The following TRAPPC9 variants were observed in gnomAD, a reference collection of about 807,000 sequenced individuals.
TRAPPC9 encodes the protein IKK2 binding protein.
TRAPPC9 carries 83 observed loss-of-function variants against 124.0 expected under a neutral mutation model. That is an observed-to-expected ratio of 0.67 (90% CI 0.56 to 0.80). The LOEUF (loss-of-function observed/expected upper bound fraction) is 0.80, where lower values mean the gene tolerates loss of function less well. Among genes scored for constraint, TRAPPC9 ranks in the 30% least tolerant of loss-of-function variants. The pLI, the probability that TRAPPC9 is intolerant of heterozygous loss-of-function variation, is 0.00. For synonymous variants in TRAPPC9, 638 were observed against 617.5 expected, an observed-to-expected ratio of 1.03 and a Z score of -0.49; for missense variants, 1,302 against 1,508.3, an observed-to-expected ratio of 0.86 and a Z score of 2.27.
intron 17 of TRAPPC9, among the ~76,000 whole-genome samples, chr8:140,202,094 T>C (rs1345881308): frequency 2.6e-5 from 4 of 151,878 alleles, no homozygotes; most frequent in Non-Finnish European, 5.9e-5. Flanking sequence ...AGCCTCAGTT[T>C]CCTCATTCCA....
intron 21 of TRAPPC9, among the ~76,000 whole-genome samples, chr8:139,773,472 G>A (rs746942938): frequency 6.6e-6 from 1 of 152,238 alleles, no homozygotes; most frequent in African/African-American, 2.4e-5. Context: ...GCCCCGAAGG[G>A]AAATGGAGGC....
chr8:140,168,136 G>A (rs2061882652), intron 17 of TRAPPC9, among the ~76,000 whole-genome samples: 1 of 152,212 alleles, frequency 6.6e-6, no homozygotes, highest in Admixed American at 6.5e-5. Flanking sequence ...TGACAATGAG[G>A]TAGTTAAAGG....
intron 5 of TRAPPC9, among the ~76,000 whole-genome samples, chr8:140,412,124 T>G (rs2069726578): frequency 6.6e-6 from 1 of 152,190 alleles, no homozygotes; most frequent in African/African-American, 2.4e-5. Context: ...GACTCCACTT[T>G]AACCAATTAT....
At chr8:139,752,416 T>C (rs1819381454) in intron 21 of TRAPPC9, among the ~76,000 whole-genome samples, 2 of 148,034 alleles carry the variant, frequency 1.4e-5, no homozygotes, top group South Asian at 4.3e-4. Flanking sequence ...CTACCGTCCA[T>C]CCATCCATCC....
chr8:140,162,294 C>T (rs1013642322), intron 17 of TRAPPC9, among the ~76,000 whole-genome samples: 1 of 152,140 alleles, frequency 6.6e-6, no homozygotes, highest in African/African-American at 2.4e-5. Context: ...AGGCTCCGGC[C>T]CTACTGAACT....
intron 21 of TRAPPC9, among the ~76,000 whole-genome samples, chr8:139,856,594 G>T (rs111729204): frequency 6.6e-6 from 1 of 152,154 alleles, no homozygotes; most frequent in Non-Finnish European, 1.5e-5. Flanking sequence ...GGACAGCGGC[G>T]GGGGGTGGCG....
At chr8:139,751,632 G>T (rs1175548027) in intron 21 of TRAPPC9, among the ~76,000 whole-genome samples, 1 of 152,058 alleles carries the variant, frequency 6.6e-6, no homozygotes, top group South Asian at 2.1e-4. Context: ...CAAAGACCTG[G>T]ACACAACCTC....
At chr8:140,024,304 C>G (rs1839994771) in intron 17 of TRAPPC9, among the ~76,000 whole-genome samples, 1 of 151,924 alleles carries the variant, frequency 6.6e-6, no homozygotes, top group Non-Finnish European at 1.5e-5. Flanking sequence ...CGGTGGGCAC[C>G]ATCTTTCCTG....
At chr8:140,135,006 C>T (rs1453492443) in intron 17 of TRAPPC9, among the ~76,000 whole-genome samples, 1 of 152,060 alleles carries the variant, frequency 6.6e-6, no homozygotes, top group African/African-American at 2.4e-5. Context: ...TGGGCAAAGG[C>T]CTTAGATAGA....
rs1830695339 is a variant in TRAPPC9 at position 139,896,803 on chromosome 8, C to A, written c.2965-10834G>T. Among the ~76,000 whole-genome samples the A allele has an allele frequency of 2.0e-5, 3 of 152,252 alleles. No individual in the cohort carries two copies. The South Asian group carries it at 6.2e-4, about 32-fold the overall frequency. Reference sequence around the variant, plus strand: ...CACACCAAGCCTGGCCAGTGTTTTTCCAGCCCAGAGGGAAGCCCAGCACAG... The same window carrying A: ...CACACCAAGCCTGGCCAGTGTTTTTACAGCCCAGAGGGAAGCCCAGCACAG... On this transcript the variant is annotated intron_variant, in intron 20 of 22. Coordinates refer to ENST00000438773, the MANE Select transcript of TRAPPC9 (RefSeq NM_001160372.4).
At chr8:139,764,251 G>C (rs1214029529) in intron 21 of TRAPPC9, among the ~76,000 whole-genome samples, 1 of 152,146 alleles carries the variant, frequency 6.6e-6, no homozygotes, top group African/African-American at 2.4e-5. Context: ...GAGCAGAGGT[G>C]GCACCTTGGA....
intron 21 of TRAPPC9, among the ~76,000 whole-genome samples, chr8:139,744,520 G>A (rs1818764338): frequency 6.6e-6 from 1 of 152,192 alleles, no homozygotes; most frequent in Non-Finnish European, 1.5e-5. Flanking sequence ...TCTCCTAGGA[G>A]CCGAGGCAGG....
chr8:140,389,456 C>G (rs1402586614), intron 7 of TRAPPC9, among the ~76,000 whole-genome samples: 1 of 152,208 alleles, frequency 6.6e-6, no homozygotes, highest in Non-Finnish European at 1.5e-5. Flanking sequence ...ACTGCCGTCA[C>G]GGCCACTCAG....
intron 17 of TRAPPC9, among the ~76,000 whole-genome samples, chr8:140,166,118 C>T (rs886148943): frequency 6.6e-6 from 1 of 152,184 alleles, no homozygotes; most frequent in Admixed American, 6.5e-5. Flanking sequence ...AACCTCAGTG[C>T]GATAACACTC....
At chr8:139,789,177 C>T (rs1479857964) in intron 21 of TRAPPC9, among the ~76,000 whole-genome samples, 6 of 152,192 alleles carry the variant, frequency 3.9e-5, no homozygotes, top group Non-Finnish European at 7.3e-5. Flanking sequence ...CTGCAGCCCA[C>T]GGCCTGCCCG....
intron 4 of TRAPPC9, 61 bp downstream of exon 4, chr8:140,435,051 A>C: frequency 1.2e-6 from 2 of 1,612,936 alleles, no homozygotes; most frequent in Non-Finnish European, 1.7e-6. Flanking sequence ...AAAGTAACAA[A>C]TGAGTCTGCT....
At chr8:140,237,011 C>T (rs563484498) in intron 16 of TRAPPC9, among the ~76,000 whole-genome samples, 7 of 151,884 alleles carry the variant, frequency 4.6e-5, no homozygotes, top group Non-Finnish European at 8.8e-5. Context: ...TGAAACCCCG[C>T]CTCTATTAAA....
At chr8:140,167,808 C>T (rs545865949) in intron 17 of TRAPPC9, among the ~76,000 whole-genome samples, 19 of 152,266 alleles carry the variant, frequency 1.2e-4, no homozygotes, top group African/African-American at 2.2e-4. Context: ...TACAAAGAAA[C>T]GACAGTAATT....
chr8:139,806,194 T>A (rs1824045694), intron 21 of TRAPPC9: 1 of 152,220 alleles, frequency 6.6e-6, no homozygotes, highest in Non-Finnish European at 1.5e-5. Flanking sequence ...CTCCCGGAGA[T>A]CAAATGGTCA....
Sources: gnomAD v4.1 joint callset for allele counts (sites outside exome capture counted in the v4.1 genomes callset) on GRCh38, gnomAD v4.1.1 for gene constraint, MANE v1.5 for transcripts, NCBI Gene and HGNC (gene_info 2026-07-23, HGNC 2026-07-21) for gene names.